ZNF385C: variants seen among roughly 807,000 people sequenced by gnomAD.
ZNF385C encodes zinc finger protein 385C.
A neutral mutation model predicts 35.4 loss-of-function variants in ZNF385C; 28 were observed. That is an observed-to-expected ratio of 0.79 (90% CI 0.59 to 1.08). The LOEUF is 1.08. Ranked by LOEUF, ZNF385C falls within the 50% of genes least tolerant of loss-of-function variation. The pLI, the probability that ZNF385C is intolerant of heterozygous loss-of-function variation, is 0.00. For synonymous variants in ZNF385C, 248 were observed against 248.2 expected, an observed-to-expected ratio of 1.00 and a Z score of 0.01; for missense variants, 605 against 595.6, an observed-to-expected ratio of 1.02 and a Z score of -0.16.
intron 1 of ZNF385C, among the ~76,000 whole-genome samples, chr17:42,083,881 G>T (rs1405696010): frequency 6.6e-6 from 1 of 151,558 alleles, no homozygotes; most frequent in Non-Finnish European, 1.5e-5. Flanking sequence ...AATACACCAG[G>T]CTAATTTTTA....
intron 1 of ZNF385C, among the ~76,000 whole-genome samples, chr17:42,069,256 A>G (rs1290974222): frequency 1.0e-4 from 12 of 118,656 alleles, no homozygotes; most frequent in Non-Finnish European, 1.7e-4. Context: ...GTGTCCATCA[A>G]TGTGGAGCTG....
chr17:42,043,192 T>C, intron 2 of ZNF385C: 1 of 1,232,146 alleles, frequency 8.1e-7, no homozygotes. Context: ...AGTGAAGGCG[T>C]TTTCGGCTTT....
At chr17:42,053,930 G>A (rs542862589) in intron 2 of ZNF385C, among the ~76,000 whole-genome samples, 1 of 152,166 alleles carries the variant, frequency 6.6e-6, no homozygotes, top group Non-Finnish European at 1.5e-5. Flanking sequence ...GGGAAGGGGG[G>A]GATGTGAGGG....
intron 8 of ZNF385C, 64 bp downstream of exon 8, chr17:42,027,554 G>GGGCCCCCCCCCCCCC: frequency 1.8e-6 from 1 of 556,882 alleles, no homozygotes; most frequent in Non-Finnish European, 3.3e-6. Flanking sequence ...CCCCCATCTG[G>GGGCCCCCCCCCCCCC]CCCTCCCAGC....
chr17:42,042,535 A>T (rs1377836699), intron 2 of ZNF385C, among the ~76,000 whole-genome samples: 2 of 151,968 alleles, frequency 1.3e-5, no homozygotes, highest in Admixed American at 6.6e-5. Flanking sequence ...AAAAAAAAAA[A>T]TTAAATACAT....
chr17:42,066,304 C>T (rs1316229254), intron 1 of ZNF385C, among the ~76,000 whole-genome samples: 1 of 152,132 alleles, frequency 6.6e-6, no homozygotes, highest in African/African-American at 2.4e-5. Flanking sequence ...GTGATCCGCC[C>T]ACCTCGGCCT....
At chr17:42,068,701 T>G (rs1555658599) in intron 1 of ZNF385C, among the ~76,000 whole-genome samples, 1 of 152,216 alleles carries the variant, frequency 6.6e-6, no homozygotes, top group Non-Finnish European at 1.5e-5. Flanking sequence ...GCACCATTAT[T>G]AACCTGTTAT....
chr17:42,034,228 T>C lies in ZNF385C; in HGVS notation c.507A>G (p.Ser169=), dbSNP rs1555655195. 2 of 1,549,658 alleles carry C rather than the reference T, an allele frequency of 1.3e-6. No homozygotes were observed. The highest frequency in any genetic ancestry group is 2.4e-5 in the East Asian group (1 of 40,908). The change falls in exon 4 of 9, where the codon TCA becomes TCG. Residue 169 remains serine, a synonymous_variant. Transcript: ENST00000692273. ...SCNICHLRFN[S]ANQAEAHYKG... is the part of the protein sequence containing the mutation. ...TGCTTTCACTACTTTGTCTCACCGC[T>C]GAGTTGAACCTCAGGTGACAGATGT...
intron 1 of ZNF385C, among the ~76,000 whole-genome samples, chr17:42,092,274 G>A (rs1030522999): frequency 2.0e-5 from 3 of 152,090 alleles, no homozygotes; most frequent in Non-Finnish European, 2.9e-5. Flanking sequence ...GGTGGCATGT[G>A]CCTGTAATCC....
intron 1 of ZNF385C, among the ~76,000 whole-genome samples, chr17:42,088,872 C>T (rs1017765854): frequency 7.9e-5 from 12 of 152,090 alleles, no homozygotes; most frequent in African/African-American, 2.7e-4. Context: ...GTCACCCAGG[C>T]TGGAGTGCAG....
chr17:42,059,376 A>G (rs1324437432), intron 2 of ZNF385C, among the ~76,000 whole-genome samples: 2 of 152,236 alleles, frequency 1.3e-5, no homozygotes, highest in African/African-American at 4.8e-5. Context: ...GAGAGGTGAC[A>G]GATGACACAC....
At chr17:42,057,502 G>A (rs113805859) in intron 2 of ZNF385C, among the ~76,000 whole-genome samples, 1 of 23,616 alleles carries the variant, frequency 4.2e-5, no homozygotes, top group African/African-American at 1.1e-4. Context: ...GGGTGTGCGC[G>A]CGCGCGCGCG....
chr17:42,028,543 G>A (rs1430830521), intron 6 of ZNF385C: 9 of 612,006 alleles, frequency 1.5e-5, no homozygotes, highest in Non-Finnish European at 2.3e-5. Context: ...CTCCTGTGGA[G>A]TGACCCTTCA....
intron 2 of ZNF385C, among the ~76,000 whole-genome samples, chr17:42,041,534 T>A (rs1487912032): frequency 4.6e-5 from 7 of 152,166 alleles, no homozygotes; most frequent in African/African-American, 1.7e-4. Flanking sequence ...AAACATCAAC[T>A]TTTGTTGTGG....
Position 42,034,346 on chromosome 17 carries a change from A to T in ZNF385C, c.400-11T>A. 1 of 1,547,132 alleles carries T rather than the reference A, an allele frequency of 6.5e-7. No homozygotes were observed. The highest frequency in any genetic ancestry group is 1.2e-5 in the South Asian group (1 of 83,936). ...CTGGACCGGGTCCATCTGTGAAGGG[A>T]GTGGGAGGGCATAATAACTCTGGGG... On this transcript the variant is annotated splice_polypyrimidine_tract_variant and intron_variant, in intron 3 of 8. Transcript: ENST00000692273.
chr17:42,083,850 C>G (rs1215864890), intron 1 of ZNF385C, among the ~76,000 whole-genome samples: 1 of 150,658 alleles, frequency 6.6e-6, no homozygotes, highest in Admixed American at 6.6e-5. Context: ...TCCCAAGTAG[C>G]TGGGATTACA....
rs2053271303 is a variant in ZNF385C at position 42,050,960 on chromosome 17, A to G, written c.250+11847T>C. Among the ~76,000 whole-genome samples, 1 of 152,094 alleles carries G rather than the reference A, an allele frequency of 6.6e-6. No homozygotes were observed. Among genetic ancestry groups the G allele is most frequent in the South Asian group, 2.1e-4 (1 of 4,832 alleles). On this transcript the variant is annotated intron_variant, in intron 2 of 8. Coordinates refer to ENST00000692273, the MANE Select transcript of ZNF385C (RefSeq NM_001392013.1). This position sits in a 1 kb window ranked among gnomAD's most constrained non-coding sequence, Gnocchi z 5.6. The stretch of plus-strand genomic sequence containing the variant: ...CAAAGTGTTCTGAGAGTTTGGAAGC[A>G]AGTGCTTTGGGATCACGAAGGAGCG...
At chr17:42,031,435 C>T (rs1170516900) in intron 5 of ZNF385C, among the ~76,000 whole-genome samples, 184 bp downstream of exon 5, 1 of 152,170 alleles carries the variant, frequency 6.6e-6, no homozygotes, top group Non-Finnish European at 1.5e-5. Flanking sequence ...GTGCTGGTAA[C>T]GTGTTTCCTG....
At chr17:42,072,779 C>T (rs1598200825) in intron 1 of ZNF385C, among the ~76,000 whole-genome samples, 1 of 152,124 alleles carries the variant, frequency 6.6e-6, no homozygotes, top group Non-Finnish European at 1.5e-5. Context: ...GTGGGGCTCC[C>T]CGGGTGGGAG....
Sources: gnomAD v4.1 joint callset for allele counts (sites outside exome capture counted in the v4.1 genomes callset) on GRCh38, gnomAD v4.1.1 for gene constraint, Gnocchi (gnomAD v3.1) non-coding constraint, MANE v1.5 for transcripts, NCBI Gene and HGNC (gene_info 2026-07-23, HGNC 2026-07-21) for gene names.